The following PDE10A variants were observed in gnomAD, a reference collection of about 807,000 sequenced individuals.
PDE10A encodes the protein cAMP and cAMP-inhibited cGMP 3',5'-cyclic phosphodiesterase 10A.
Under a neutral mutation model 97.7 loss-of-function variants are expected in PDE10A, and 39 were observed. That is an observed-to-expected ratio of 0.40 (90% confidence interval 0.31 to 0.52). The LOEUF (loss-of-function observed/expected upper bound fraction) is 0.52. PDE10A is among the 20% of genes least tolerant of loss of function. The pLI is 0.56. For synonymous variants in PDE10A, 371 were observed against 376.8 expected, an observed-to-expected ratio of 0.98 and a Z score of 0.18; for missense variants, 731 against 1,047.8, an observed-to-expected ratio of 0.70 and a Z score of 4.17.
chr6:165,701,027 T>A (rs1422797576), intron 1 of PDE10A, among the ~76,000 whole-genome samples: 1 of 152,190 alleles, frequency 6.6e-6, no homozygotes, highest in Non-Finnish European at 1.5e-5. Flanking sequence ...AAGACAGAGA[T>A]CCTATTTATA....
chr6:165,444,471 A>G (rs1320051075), intron 5 of PDE10A, among the ~76,000 whole-genome samples: 1 of 152,182 alleles, frequency 6.6e-6, no homozygotes, highest in Non-Finnish European at 1.5e-5. Context: ...CTCAATAATT[A>G]AAAATACTAC....
At chr6:165,862,214 G>T (rs550968637) in intron 1 of PDE10A, among the ~76,000 whole-genome samples, 4 of 152,334 alleles carry the variant, frequency 2.6e-5, no homozygotes, top group African/African-American at 9.6e-5. Context: ...CCTAAAGCAT[G>T]TAAAAATAAT....
intron 2 of PDE10A, among the ~76,000 whole-genome samples, chr6:165,522,649 C>T (rs1782199355): frequency 1.3e-5 from 2 of 152,078 alleles, no homozygotes; most frequent in Middle Eastern, 3.4e-3. Flanking sequence ...ATAACAAATC[C>T]ACAGCCAACA....
intron 1 of PDE10A, among the ~76,000 whole-genome samples, chr6:165,892,584 G>T (rs910697239): frequency 1.5e-4 from 23 of 152,134 alleles, no homozygotes; most frequent in African/African-American, 4.1e-4. Flanking sequence ...TTGGACTTCC[G>T]GCTGTGTTGT....
chr6:165,447,228 T>G (rs1181160905), intron 5 of PDE10A, among the ~76,000 whole-genome samples: 2 of 152,212 alleles, frequency 1.3e-5, no homozygotes, highest in Non-Finnish European at 2.9e-5. Flanking sequence ...CCTGCACCTC[T>G]CAGTCTCTGC....
At chr6:165,353,139 T>A (rs944454421) in intron 18 of PDE10A, among the ~76,000 whole-genome samples, 1 of 152,190 alleles carries the variant, frequency 6.6e-6, no homozygotes, top group African/African-American at 2.4e-5. Context: ...GACAATGAGA[T>A]AACACTACAC....
intron 1 of PDE10A, among the ~76,000 whole-genome samples, chr6:165,752,132 A>G (rs1793019122): frequency 4.6e-4 from 2 of 4,366 alleles, no homozygotes; most frequent in Non-Finnish European, 8.9e-4. Context: ...AACAGAGCAA[A>G]AAAAAAAAAA....
chr6:165,720,121 A>G (rs1170594871), intron 1 of PDE10A, among the ~76,000 whole-genome samples: 1 of 152,218 alleles, frequency 6.6e-6, no homozygotes, highest in Non-Finnish European at 1.5e-5. Context: ...AAGAAAATAA[A>G]TTTCTGAAAC....
chr6:165,391,462 T>C (rs1450374092), intron 16 of PDE10A, among the ~76,000 whole-genome samples: 1 of 152,078 alleles, frequency 6.6e-6, no homozygotes, highest in Non-Finnish European at 1.5e-5. Context: ...TATGGCAAAA[T>C]GGCAAAACAA....
chr6:165,458,207 G>T (rs1386425434), intron 3 of PDE10A, among the ~76,000 whole-genome samples: 2 of 151,978 alleles, frequency 1.3e-5, no homozygotes. Flanking sequence ...GATATTACAA[G>T]AATAGTACAA....
intron 1 of PDE10A, among the ~76,000 whole-genome samples, chr6:165,544,726 A>C (rs1392014897): frequency 6.6e-6 from 1 of 152,114 alleles, no homozygotes; most frequent in African/African-American, 2.4e-5. Context: ...GCTGGGAACT[A>C]AAGTCACAAC....
intron 2 of PDE10A, among the ~76,000 whole-genome samples, chr6:165,506,076 T>A (rs1284143711): frequency 1.3e-5 from 2 of 152,160 alleles, no homozygotes; most frequent in Non-Finnish European, 2.9e-5. Flanking sequence ...AAATGTCTTT[T>A]CCCGCTTTTT....
At chr6:165,382,945 T>G (rs966420440) in intron 17 of PDE10A, among the ~76,000 whole-genome samples, 7 of 152,302 alleles carry the variant, frequency 4.6e-5, no homozygotes, top group African/African-American at 1.7e-4. Flanking sequence ...CAGGTAGTGT[T>G]GAATATAAGT....
At chr6:165,901,273 CA>C (rs1347686075) in intron 1 of PDE10A, among the ~76,000 whole-genome samples, 1 of 152,078 alleles carries the variant, frequency 6.6e-6, no homozygotes, top group Non-Finnish European at 1.5e-5. Context: ...CACCACATGG[CA>C]AAAAGGGGCA....
chr6:165,937,568 T>C (rs2128491949), intron 1 of PDE10A, among the ~76,000 whole-genome samples: 1 of 152,354 alleles, frequency 6.6e-6, no homozygotes, highest in Non-Finnish European at 1.5e-5. Flanking sequence ...TTGGAAGAGT[T>C]GGTACATGTC....
chr6:165,591,282 G>C (rs1284693390), intron 1 of PDE10A, among the ~76,000 whole-genome samples: 1 of 152,162 alleles, frequency 6.6e-6, no homozygotes, highest in East Asian at 1.9e-4. Flanking sequence ...TAGCCAAGTG[G>C]ATTTTAAGAA....
intron 1 of PDE10A, among the ~76,000 whole-genome samples, chr6:165,867,779 T>C (rs1310049344): frequency 1.3e-5 from 2 of 152,034 alleles, no homozygotes; most frequent in Non-Finnish European, 2.9e-5. Context: ...TGTTAGGCTG[T>C]AATACAAGTC....
intron 1 of PDE10A, among the ~76,000 whole-genome samples, chr6:165,633,092 GAAAAGAA>G (rs1223452338): frequency 6.1e-5 from 9 of 146,704 alleles, no homozygotes; most frequent in Non-Finnish European, 1.1e-4. Flanking sequence ...AAAAAAAAAA[GAAAAGAA>G]AAAAGAAAAA....
intron 1 of PDE10A, among the ~76,000 whole-genome samples, chr6:165,714,450 C>G (rs545234615): frequency 2.6e-5 from 4 of 152,226 alleles, no homozygotes; most frequent in Admixed American, 2.6e-4. Context: ...CAAAGCCAAG[C>G]TTTCTTTCCA....
Sources: gnomAD v4.1 joint callset for allele counts (sites outside exome capture counted in the v4.1 genomes callset) on GRCh38, gnomAD v4.1.1 for gene constraint, MANE v1.5 for transcripts, NCBI Gene and HGNC (gene_info 2026-07-23, HGNC 2026-07-21) for gene names.